Variants in AFF1 observed in about 807,000 individuals in gnomAD.
AFF1 encodes AF4/FMR2 family member 1.
A neutral mutation model predicts 121.7 loss-of-function variants in AFF1; 48 were observed. The ratio of observed to expected loss-of-function variants is 0.39; its 90% CI spans 0.31 to 0.50. The LOEUF (loss-of-function observed/expected upper bound fraction) is 0.50. Ranked by LOEUF, AFF1 falls within the 20% of genes least tolerant of loss-of-function variation. The pLI is 0.76. For missense variants in AFF1, 1,523 were observed against 1,511.7 expected (o/e 1.01, Z -0.12); for synonymous variants, 613 against 563.0 (o/e 1.09, Z -1.26).
At chr4:87,124,185 T>C (rs548261062) in intron 12 of AFF1, among the ~76,000 whole-genome samples, 4 of 152,358 alleles carry the variant, frequency 2.6e-5, no homozygotes, top group African/African-American at 7.2e-5. Flanking sequence ...TTTAGCACTT[T>C]AGTTGGTATA....
chr4:86,984,177 A>T (rs1158007942), intron 2 of AFF1, among the ~76,000 whole-genome samples: 1 of 152,204 alleles, frequency 6.6e-6, no homozygotes, highest in Non-Finnish European at 1.5e-5. Context: ...AAATTTGTAA[A>T]TGCTGTGGAC....
intron 4 of AFF1, among the ~76,000 whole-genome samples, chr4:87,082,854 T>G (rs528409427): frequency 1.4e-4 from 22 of 152,302 alleles, no homozygotes; most frequent in Non-Finnish European, 2.4e-4. Context: ...AAACCCTAGA[T>G]TGCAAATTAG....
In AFF1 at chr4:87,111,307, G is replaced by A. The variant is rs1431903901; in HGVS notation, c.1533+2992G>A. Among the ~76,000 whole-genome samples the A allele has an allele frequency of 5.4e-5, 8 of 147,844 alleles. 3 individuals carry two copies. The highest frequency in any genetic ancestry group is 1.5e-4 in the African/African-American group (6 of 40,222). On this transcript the variant is annotated intron_variant, in intron 11 of 20. Coordinates refer to ENST00000395146, the MANE Select transcript of AFF1 (RefSeq NM_001166693.3). ...GCTGGGATTACAGGCGTGAGCCACC[G>A]CGCCCGGCCTTACTTAAACTTTATT...
In AFF1 at chr4:87,132,336, A is replaced by G. The variant is rs985884406; in HGVS notation, c.3239A>G (p.Tyr1080Cys). 3 of 1,613,406 alleles carry G rather than the reference A, an allele frequency of 1.9e-6. No individual in the cohort carries two copies. Among genetic ancestry groups the G allele is most frequent in the African/African-American group, 1.3e-5 (1 of 74,896 alleles). Reference sequence around the variant, plus strand: ...TGTAAAAAAGACATAGCAATAAAGTATTCTCGTACTCTTAATAAACACTTC... The same window carrying G: ...TGTAAAAAAGACATAGCAATAAAGTGTTCTCGTACTCTTAATAAACACTTC... ...FRCKKDIAIK[Y>C]SRTLNKHFES... Residue 1080 changes from tyrosine to cysteine, a missense_variant, in exon 19 of 21, where the codon TAT becomes TGT. Tyr to Cys is a radical substitution (Grantham distance 194, BLOSUM62 -2). Around this residue, in one of 5 missense-constraint regions of AFF1, gnomAD observed 241 missense variants for 265.2 expected, o/e 0.91. Coordinates refer to ENST00000395146, the MANE Select transcript of AFF1 (RefSeq NM_001166693.3).
chr4:87,013,032 C>CTTTTTTTT lies in AFF1; in HGVS notation c.39-33115_39-33108dup, dbSNP rs61071328. ...AACCAGATTGAACTGCTATCAAGTT[C>CTTTTTTTT]TTTTTTTTTTTTTTTTTTTTTTTTT... On this transcript the variant is annotated intron_variant, in intron 2 of 20. Transcript: ENST00000395146. 3.2e-3 allele frequency among the ~76,000 whole-genome samples: 301 copies of CTTTTTTTT among 93,448 alleles called. 31 individuals carry two copies. The highest frequency in any genetic ancestry group is 9.7e-3 in the African/African-American group (226 of 23,226). 61.3% of individuals were successfully genotyped at this position (93,448 alleles called of 152,430 possible).
chr4:87,017,089 GTATA>G (rs1560542219), intron 2 of AFF1, among the ~76,000 whole-genome samples: 43 of 133,668 alleles, frequency 3.2e-4, no homozygotes, highest in African/African-American at 1.1e-3. Flanking sequence ...GTGTGTATGT[GTATA>G]TATATGTGTT....
chr4:86,986,429 C>G (rs1310339367), intron 2 of AFF1, among the ~76,000 whole-genome samples: 1 of 152,060 alleles, frequency 6.6e-6, no homozygotes, highest in Non-Finnish European at 1.5e-5. Flanking sequence ...TGTGCCTCTT[C>G]TCGTGATTTA....
chr4:87,047,150 T>G lies in AFF1; in HGVS notation c.615T>G (p.Leu205=), dbSNP rs1242070388. The change falls in exon 4 of 21, where the codon CTT becomes CTG. Residue 205 remains leucine (L), a synonymous_variant. Coordinates refer to ENST00000395146, the MANE Select transcript of AFF1 (RefSeq NM_001166693.3). ...SVTDSAPERE[L]SPLISLPSPV... Reference sequence around the variant, plus strand: ...CAGATTCGGCTCCAGAGAGGGAGCTTTCTCCCTTAATCTCTTTGCCTTCCC... The same window carrying G: ...CAGATTCGGCTCCAGAGAGGGAGCTGTCTCCCTTAATCTCTTTGCCTTCCC... 2.5e-6 allele frequency: 4 copies of G among 1,614,038 alleles called. No individual in the cohort carries two copies. The highest frequency in any genetic ancestry group is 3.4e-6 in the Non-Finnish European group (4 of 1,180,038).
chr4:87,020,301 G>A (rs141892268), intron 2 of AFF1, among the ~76,000 whole-genome samples: 13 of 152,192 alleles, frequency 8.5e-5, no homozygotes, highest in Non-Finnish European at 1.2e-4. Flanking sequence ...AATGTTTCAC[G>A]ACCATGTAAG....
At chr4:86,982,332 T>C (rs1723813102) in intron 2 of AFF1, among the ~76,000 whole-genome samples, 1 of 151,004 alleles carries the variant, frequency 6.6e-6, no homozygotes, top group South Asian at 2.1e-4. Context: ...GTTCACATTG[T>C]GTCAGAAATT....
intron 14 of AFF1, 49 bp downstream of exon 14, chr4:87,126,385 C>G (rs779352665): frequency 3.0e-5 from 46 of 1,543,348 alleles, no homozygotes; most frequent in Non-Finnish European, 4.0e-5. Context: ...ATTGCTGTAC[C>G]TTTACGTTCC....
chr4:87,090,210 A>G, intron 6 of AFF1, 140 bp downstream of exon 6: 1 of 619,702 alleles, frequency 1.6e-6, no homozygotes, highest in South Asian at 2.6e-5. Context: ...TAGCTTCTAC[A>G]GTGCTTCAGA....
chr4:87,025,886 C>T (rs1246909412), intron 2 of AFF1, among the ~76,000 whole-genome samples: 2 of 152,078 alleles, frequency 1.3e-5, no homozygotes, highest in Non-Finnish European at 2.9e-5. Flanking sequence ...AGTTACTTGA[C>T]CTGTATTTGC....
intron 4 of AFF1, among the ~76,000 whole-genome samples, chr4:87,051,357 C>T (rs1731233408): frequency 6.6e-6 from 1 of 151,588 alleles, no homozygotes; most frequent in Non-Finnish European, 1.5e-5. Flanking sequence ...GTTTCATTTC[C>T]TGTGTGTTTC....
intron 2 of AFF1, among the ~76,000 whole-genome samples, chr4:87,022,612 A>G (rs1423465710): frequency 9.3e-6 from 1 of 107,842 alleles, no homozygotes; most frequent in African/African-American, 3.0e-5. Flanking sequence ...GTGTATATAT[A>G]TCTGTGTGTG....
rs749858893 is a variant in AFF1 at position 87,047,123 on chromosome 4, G to T, written c.588G>T (p.Val196=). Residue 196 remains valine, a synonymous_variant, in exon 4 of 21, where the codon GTG becomes GTT. Transcript: ENST00000395146. ...CTGACGGAGACCACTGTGCTTCGGT[G>T]ACAGATTCGGCTCCAGAGAGGGAGC... ...RRADGDHCAS[V]TDSAPERELS... 5.0e-6 allele frequency: 8 copies of T among 1,614,072 alleles called. No individual in the cohort carries two copies. In the African/African-American group the frequency reaches 9.3e-5, roughly 19 times the overall value.
chr4:87,128,035 T>A (rs1728470224), intron 16 of AFF1, among the ~76,000 whole-genome samples: 1 of 152,250 alleles, frequency 6.6e-6, no homozygotes, highest in Admixed American at 6.5e-5. Context: ...ATCTACCTGC[T>A]GGTGATTTAA....
chr4:87,071,513 A>AT (rs1722051971), intron 4 of AFF1, among the ~76,000 whole-genome samples: 1 of 151,940 alleles, frequency 6.6e-6, no homozygotes, highest in Non-Finnish European at 1.5e-5. Flanking sequence ...AGACCTTTAA[A>AT]TTTTTTTTAA....
intron 11 of AFF1, among the ~76,000 whole-genome samples, chr4:87,113,766 T>G (rs1418390097): frequency 6.6e-6 from 1 of 152,158 alleles, no homozygotes; most frequent in African/African-American, 2.4e-5. Flanking sequence ...TTTGGAAGAC[T>G]GAGGCAGGAG....
Sources: allele counts gnomAD v4.1 joint callset (sites outside exome capture counted in the v4.1 genomes callset), GRCh38; gene constraint gnomAD v4.1.1; regional missense constraint gnomAD v4.1.1; transcripts MANE v1.5; gene names NCBI Gene and HGNC (gene_info 2026-07-23, HGNC 2026-07-21).